Variants in GLRA3 observed in about 807,000 individuals in gnomAD.
GLRA3 encodes glycine receptor subunit alpha-3.
Under a neutral mutation model 60.4 loss-of-function variants are expected in GLRA3, and 44 were observed. The ratio of observed to expected loss-of-function variants is 0.73; its 90% CI spans 0.57 to 0.94. The LOEUF (loss-of-function observed/expected upper bound fraction) is 0.94, where lower values mean the gene tolerates loss of function less well. Among genes scored for constraint, GLRA3 ranks in the 40% least tolerant of loss-of-function variants. The pLI is 0.00. For missense variants in GLRA3, 508 were observed against 564.6 expected (o/e 0.90, Z 1.02); for synonymous variants, 223 against 192.9 (o/e 1.16, Z -1.29).
chr4:174,677,168 C>G lies in GLRA3; in HGVS notation c.837G>C (p.Met279Ile). 1 of 1,612,764 alleles carries G rather than the reference C, an allele frequency of 6.2e-7. No individual in the cohort carries two copies. Among genetic ancestry groups the G allele is most frequent in the Non-Finnish European group, 8.5e-7 (1 of 1,178,838 alleles). ...GAGCTACCCTGGCCGGTGCTGCATC[C>G]ATGTTGATCCAGAATGAAACCCAGG... ...ILSWVSFWIN[M>I]DAAPARVALG... Residue 279 changes from methionine to isoleucine, a missense_variant, in exon 7 of 10, where the codon ATG becomes ATC. Met to Ile is a conservative substitution (Grantham distance 10). Coordinates refer to ENST00000274093, the MANE Select transcript of GLRA3 (RefSeq NM_006529.4).
At chr4:174,646,783 G>A (rs1225766293) in intron 9 of GLRA3, among the ~76,000 whole-genome samples, 5 of 152,144 alleles carry the variant, frequency 3.3e-5, no homozygotes, top group Admixed American at 6.5e-5. Context: ...TGAACATAAG[G>A]TTAGATTAAA....
At chr4:174,671,222 T>C (rs963212867) in intron 7 of GLRA3, among the ~76,000 whole-genome samples, 1 of 152,156 alleles carries the variant, frequency 6.6e-6, no homozygotes, top group African/African-American at 2.4e-5. Context: ...AACTACATTT[T>C]CAGTAAATAT....
chr4:174,736,664 AG>A (rs1380968549), intron 3 of GLRA3, among the ~76,000 whole-genome samples: 2 of 152,198 alleles, frequency 1.3e-5, no homozygotes, highest in East Asian at 3.8e-4. Flanking sequence ...TGTTTATAGA[AG>A]TGTGAAGGGC....
chr4:174,664,652 A>C (rs7686453), intron 7 of GLRA3, among the ~76,000 whole-genome samples: 37,576 of 152,098 alleles, frequency 0.25, 9,127 homozygotes, highest in African/African-American at 0.63. Context: ...TCCCTCAGCG[A>C]TATCCTTGAC....
At chr4:174,809,071 A>G (rs945231418) in intron 1 of GLRA3, among the ~76,000 whole-genome samples, 1 of 152,160 alleles carries the variant, frequency 6.6e-6, no homozygotes, top group Non-Finnish European at 1.5e-5. Flanking sequence ...TGACTCACTT[A>G]ATACTGCAAG....
Position 174,767,022 on chromosome 4 carries a change from C to T in GLRA3, c.208G>A (p.Val70Ile), listed in dbSNP as rs764827296. ...RIRPNFKGPP[V>I]NVTCNIFINS... ...ATGAATATGTTGCATGTGACATTAACTGGAGGGCCTGAAAAAGAGATGAAA... is the reference window on the plus strand; with the variant it reads ...ATGAATATGTTGCATGTGACATTAATTGGAGGGCCTGAAAAAGAGATGAAA... The change falls in exon 3 of 10, where the codon GTT (valine) becomes ATT (isoleucine). Residue 70 changes from valine (V) to isoleucine (I), a missense_variant. By Grantham distance (29) the Val-to-Ile change is conservative. This residue lies in a region of GLRA3 where 329 missense variants were observed against 349.3 expected (regional missense o/e 0.94). Transcript: ENST00000274093. The T allele has an allele frequency of 2.3e-5, 36 of 1,590,636 alleles. 1 individual carries two copies. The Middle Eastern group carries it at 2.0e-3, about 88-fold the overall frequency.
At chr4:174,666,250 C>T (rs1459131601) in intron 7 of GLRA3, among the ~76,000 whole-genome samples, 5 of 152,034 alleles carry the variant, frequency 3.3e-5, no homozygotes, top group African/African-American at 9.7e-5. Context: ...AAAATACATA[C>T]TGTAAGATCC....
intron 1 of GLRA3, among the ~76,000 whole-genome samples, chr4:174,827,172 A>C (rs756180646): frequency 1.1e-4 from 16 of 151,992 alleles, no homozygotes; most frequent in Non-Finnish European, 2.4e-4. Context: ...AAAAAGATAA[A>C]TTCTTATAAT....
chr4:174,774,352 ATGTG>A lies in GLRA3; in HGVS notation c.200-7326_200-7323del, dbSNP rs754216626. 9.9e-4 allele frequency among the ~76,000 whole-genome samples: 145 copies of A among 147,044 alleles called. 1 individual carries two copies. Among genetic ancestry groups the A allele is most frequent in the Non-Finnish European group, 1.5e-3 (101 of 65,764 alleles). On this transcript the variant is annotated intron_variant, in intron 2 of 9. Transcript: ENST00000274093. ...TAGAAGAAAATCGATGTGTAAATGT[ATGTG>A]TGTGTGTATGTGTGTGTGTGTGTAT...
chr4:174,774,476 T>C (rs7685728), intron 2 of GLRA3, among the ~76,000 whole-genome samples: 1 of 151,608 alleles, frequency 6.6e-6, no homozygotes, highest in Admixed American at 6.6e-5. Context: ...AATCAGGTAA[T>C]CATAACCTGT....
chr4:174,708,504 C>T (rs1331080278), intron 5 of GLRA3, among the ~76,000 whole-genome samples: 1 of 150,004 alleles, frequency 6.7e-6, no homozygotes, highest in Admixed American at 6.6e-5. Flanking sequence ...CTGTAATTTT[C>T]GAGATTTAGG....
At chr4:174,814,272 G>T (rs1157472582) in intron 1 of GLRA3, among the ~76,000 whole-genome samples, 1 of 152,158 alleles carries the variant, frequency 6.6e-6, no homozygotes, top group East Asian at 1.9e-4. Context: ...GAATGTAGAG[G>T]ATTATATTGA....
intron 3 of GLRA3, among the ~76,000 whole-genome samples, chr4:174,731,910 A>G (rs998088755): frequency 2.6e-5 from 4 of 152,266 alleles, no homozygotes; most frequent in South Asian, 4.1e-4. Flanking sequence ...GTTCAACCAC[A>G]TAAGTAAACA....
chr4:174,765,688 C>T (rs1164959191), intron 3 of GLRA3, among the ~76,000 whole-genome samples: 1 of 151,912 alleles, frequency 6.6e-6, no homozygotes, highest in Non-Finnish European at 1.5e-5. Context: ...GGATTATAGC[C>T]ACTTTAGAGA....
At chr4:174,759,797 T>C (rs1737870743) in intron 3 of GLRA3, among the ~76,000 whole-genome samples, 1 of 152,140 alleles carries the variant, frequency 6.6e-6, no homozygotes, top group Non-Finnish European at 1.5e-5. Context: ...AATTATTCAA[T>C]TGTGAAATGA....
Position 174,656,753 on chromosome 4 carries a change from A to T in GLRA3, c.1106T>A (p.Phe369Tyr), listed in dbSNP as rs1316666650. Residue 369 changes from phenylalanine (F) to tyrosine (Y), a missense_variant, in exon 9 of 10, where the codon TTC becomes TAC. Around this residue, in one of 3 missense-constraint regions of GLRA3, gnomAD observed 176 missense variants for 197.9 expected, o/e 0.89. Coordinates refer to ENST00000274093, the MANE Select transcript of GLRA3 (RefSeq NM_006529.4). ...AGAAAGTCAATTTACCATATCTGAG[A>T]AACGGTAAAACTTCTCCAGTGCAAA... Reference protein sequence around the residue: ...EAFALEKFYRFSDMDDEVRES... With the variant: ...EAFALEKFYRYSDMDDEVRES... 6.3e-7 allele frequency: 1 copy of T among 1,575,646 alleles called. No homozygotes were observed. The highest frequency in any genetic ancestry group is 8.7e-7 in the Non-Finnish European group (1 of 1,145,346).
chr4:174,727,333 C>T (rs1009131703), intron 4 of GLRA3, among the ~76,000 whole-genome samples: 2 of 152,120 alleles, frequency 1.3e-5, no homozygotes, highest in Non-Finnish European at 1.5e-5. Flanking sequence ...AAATCAAATA[C>T]CCCCATTCCT....
intron 4 of GLRA3, among the ~76,000 whole-genome samples, chr4:174,727,145 A>T (rs1258956491): frequency 6.6e-6 from 1 of 152,246 alleles, no homozygotes; most frequent in Non-Finnish European, 1.5e-5. Flanking sequence ...CTCATGAACT[A>T]GGTAAATGTG....
chr4:174,828,383 ATGTT>A (rs1314611760), intron 1 of GLRA3, among the ~76,000 whole-genome samples: 1 of 152,212 alleles, frequency 6.6e-6, no homozygotes, highest in Non-Finnish European at 1.5e-5. Context: ...TAAATACTAA[ATGTT>A]TTGTAACTTT....
Sources: gnomAD v4.1 joint callset for allele counts (sites outside exome capture counted in the v4.1 genomes callset) on GRCh38, gnomAD v4.1.1 for gene constraint, gnomAD v4.1.1 regional missense constraint, MANE v1.5 for transcripts, NCBI Gene and HGNC (gene_info 2026-07-23, HGNC 2026-07-21) for gene names.